GABRB1: variants seen among roughly 807,000 people sequenced by gnomAD.
GABRB1 encodes gamma-aminobutyric acid type A receptor subunit beta1.
GABRB1 carries 17 observed loss-of-function variants against 51.6 expected under a neutral mutation model. That is an observed-to-expected ratio of 0.33 (90% confidence interval 0.23 to 0.49). The LOEUF (loss-of-function observed/expected upper bound fraction) is 0.49, where lower values mean the gene tolerates loss of function less well. Among genes scored for constraint, GABRB1 ranks in the 20% least tolerant of loss-of-function variants. The pLI, the probability that GABRB1 is intolerant of heterozygous loss-of-function variation, is 0.99. For missense variants in GABRB1, 410 were observed against 600.6 expected (o/e 0.68, Z 3.32); for synonymous variants, 247 against 218.9 (o/e 1.13, Z -1.14).
At chr4:47,219,059 G>A (rs929576783) in intron 4 of GABRB1, among the ~76,000 whole-genome samples, 4 of 151,740 alleles carry the variant, frequency 2.6e-5, no homozygotes, top group Admixed American at 2.6e-4. Context: ...TCTCTGGAAA[G>A]CTTTTAACAA....
chr4:47,279,668 AT>A (rs536861458), intron 4 of GABRB1, among the ~76,000 whole-genome samples: 5 of 151,378 alleles, frequency 3.3e-5, no homozygotes, highest in South Asian at 4.2e-4. Context: ...CCTTCTTTGT[AT>A]TTTTTTTACA....
chr4:47,382,703 C>T (rs1360566542), intron 5 of GABRB1, among the ~76,000 whole-genome samples: 1 of 152,160 alleles, frequency 6.6e-6, no homozygotes, highest in Non-Finnish European at 1.5e-5. Context: ...GCAATAAGTA[C>T]AGAGCATTGC....
At chr4:47,276,246 A>G (rs901510383) in intron 4 of GABRB1, among the ~76,000 whole-genome samples, 1 of 152,142 alleles carries the variant, frequency 6.6e-6, no homozygotes, top group African/African-American at 2.4e-5. Flanking sequence ...AAGTCATTAA[A>G]TGTTAAGGAA....
intron 5 of GABRB1, among the ~76,000 whole-genome samples, chr4:47,401,630 C>T (rs1728388392): frequency 6.6e-6 from 1 of 152,174 alleles, no homozygotes; most frequent in Admixed American, 6.5e-5. Flanking sequence ...GATACTACTT[C>T]CTGCTGGGCT....
intron 5 of GABRB1, among the ~76,000 whole-genome samples, chr4:47,378,197 C>T (rs190462158): frequency 6.6e-6 from 1 of 152,202 alleles, no homozygotes; most frequent in Non-Finnish European, 1.5e-5. Context: ...CCCTGCCCCG[C>T]GGGAAGGCAG....
intron 1 of GABRB1, among the ~76,000 whole-genome samples, chr4:47,011,681 G>A (rs1356928255): frequency 2.0e-5 from 3 of 152,140 alleles, no homozygotes; most frequent in East Asian, 1.9e-4. Context: ...TTCAATCTTA[G>A]GGTAGCTCAT....
intron 5 of GABRB1, among the ~76,000 whole-genome samples, chr4:47,358,381 G>A (rs945072323): frequency 2.6e-5 from 4 of 151,368 alleles, no homozygotes; most frequent in East Asian, 1.9e-4. Flanking sequence ...ATGTGTGTGT[G>A]TATATATGTA....
At chr4:47,290,868 G>C (rs2109921596) in intron 4 of GABRB1, among the ~76,000 whole-genome samples, 1 of 152,254 alleles carries the variant, frequency 6.6e-6, no homozygotes, top group South Asian at 2.1e-4. Context: ...AAGGCATTCA[G>C]TTTCATAAGG....
In GABRB1 at chr4:47,010,589, T is replaced by A. The variant is rs970416040; in HGVS notation, c.-20+16663T>A. 6.6e-5 allele frequency among the ~76,000 whole-genome samples: 10 copies of A among 152,258 alleles called. 1 individual carries two copies. The highest frequency in any genetic ancestry group is 5.9e-4 in the Admixed American group (9 of 15,284). Reference sequence around the variant, plus strand: ...CAAATAAATATGATCAACTCAAATGTTGCCACATTTCCCAGTAACTTTTAT... The same window carrying A: ...CAAATAAATATGATCAACTCAAATGATGCCACATTTCCCAGTAACTTTTAT... On this transcript the variant is annotated intron_variant, in intron 1 of 3. Coordinates refer to the GABRB1 transcript ENST00000513567.
At chr4:47,174,991 C>T (rs915613835) in intron 4 of GABRB1, among the ~76,000 whole-genome samples, 14 of 136,574 alleles carry the variant, frequency 1.0e-4, no homozygotes, top group African/African-American at 3.6e-4. Context: ...TTCCTTCCTT[C>T]CTCCCTTCCT....
At chr4:47,416,926 A>G (rs548733175) in intron 8 of GABRB1, among the ~76,000 whole-genome samples, 1 of 152,348 alleles carries the variant, frequency 6.6e-6, no homozygotes, top group South Asian at 2.1e-4. Flanking sequence ...GGCATGGAAT[A>G]TACCTGCTAT....
chr4:47,091,244 A>G (rs1212959027), intron 3 of GABRB1, among the ~76,000 whole-genome samples: 1 of 152,110 alleles, frequency 6.6e-6, no homozygotes, highest in Non-Finnish European at 1.5e-5. Flanking sequence ...TAAAATCACT[A>G]TTTCTGAAAA....
rs948821421 is a variant in GABRB1, at chr4:47,203,484, T to C, written c.461+42015T>C. 1.1e-4 allele frequency among the ~76,000 whole-genome samples: 16 copies of C among 152,142 alleles called. 1 individual carries two copies. Among genetic ancestry groups the C allele is most frequent in the Admixed American group, 7.2e-4 (11 of 15,274 alleles). On this transcript the variant is annotated intron_variant, in intron 4 of 8. Coordinates refer to ENST00000295454, the MANE Select transcript of GABRB1 (RefSeq NM_000812.4). ...CTTCTTTGCTGAATACCCGGATATA[T>C]CATACAAAGAATGATAGAGTAGGGG...
At chr4:47,400,427 T>G (rs1728336227) in intron 5 of GABRB1, among the ~76,000 whole-genome samples, 1 of 152,162 alleles carries the variant, frequency 6.6e-6, no homozygotes, top group South Asian at 2.1e-4. Context: ...TCTTGCATAT[T>G]CTTTGGGGTT....
intron 4 of GABRB1, among the ~76,000 whole-genome samples, chr4:47,184,860 C>T (rs976811841): frequency 1.3e-5 from 2 of 151,830 alleles, no homozygotes; most frequent in Non-Finnish European, 2.9e-5. Flanking sequence ...CTGCCACATA[C>T]ATAAGGTTTT....
chr4:47,014,740 A>C (rs1724695026), intron 1 of GABRB1, among the ~76,000 whole-genome samples: 1 of 152,232 alleles, frequency 6.6e-6, no homozygotes, highest in Non-Finnish European at 1.5e-5. Flanking sequence ...TTCTGAAGCA[A>C]GAGTTAAAAC....
intron 4 of GABRB1, among the ~76,000 whole-genome samples, chr4:47,319,240 A>T (rs1303457855): frequency 1.3e-5 from 2 of 152,098 alleles, no homozygotes; most frequent in East Asian, 3.8e-4. Context: ...ACTGTACTAC[A>T]GTATACTGTA....
chr4:47,296,417 T>A (rs1373446041), intron 4 of GABRB1, among the ~76,000 whole-genome samples: 6 of 152,044 alleles, frequency 3.9e-5, no homozygotes, highest in African/African-American at 9.7e-5. Context: ...GAGGAAGATC[T>A]ACCAAGCAAA....
At chr4:46,997,293 T>C (rs1296780040) in intron 1 of GABRB1, among the ~76,000 whole-genome samples, 3 of 151,974 alleles carry the variant, frequency 2.0e-5, no homozygotes, top group Non-Finnish European at 4.4e-5. Context: ...CTTACATAGT[T>C]ACCTTTTTGT....
Sources: allele counts gnomAD v4.1 joint callset (sites outside exome capture counted in the v4.1 genomes callset), GRCh38; gene constraint gnomAD v4.1.1; transcripts MANE v1.5; gene names NCBI Gene and HGNC (gene_info 2026-07-23, HGNC 2026-07-21).